BOLL: variants seen among roughly 807,000 people sequenced by gnomAD.
BOLL encodes the protein protein boule-like.
Under a neutral mutation model 44.4 loss-of-function variants are expected in BOLL, and 23 were observed. That is an observed-to-expected ratio of 0.52 (90% CI 0.37 to 0.73). BOLL has a LOEUF of 0.73. Among genes scored for constraint, BOLL ranks in the 30% least tolerant of loss-of-function variants. BOLL has a pLI of 0.00. For synonymous variants in BOLL, 97 were observed against 110.8 expected (o/e 0.88, Z 0.78); for missense variants, 287 against 338.3 (o/e 0.85, Z 1.19).
At chr2:197,742,466 T>C (rs1045786540) in intron 10 of BOLL, among the ~76,000 whole-genome samples, 7 of 152,096 alleles carry the variant, frequency 4.6e-5, no homozygotes, top group African/African-American at 1.7e-4. Context: ...GATATACACC[T>C]CGGAATACTA....
chr2:197,735,982 T>G (rs1025229462), intron 10 of BOLL, among the ~76,000 whole-genome samples: 1 of 152,142 alleles, frequency 6.6e-6, no homozygotes, highest in African/African-American at 2.4e-5. Context: ...TCAGTGATCT[T>G]CACTTCAAGG....
In BOLL at chr2:197,728,485, C is replaced by G; in HGVS notation, c.*70G>C. On this transcript the variant is annotated 3_prime_UTR_variant, in exon 11 of 11. Coordinates refer to ENST00000392296, the MANE Select transcript of BOLL (RefSeq NM_033030.6). The stretch of plus-strand genomic sequence containing the variant: ...GCAGCTTCTAGCTGGTTCGTTGAAG[C>G]TGGATCTCGGCCACGCAAGGATCAT... The G allele has an allele frequency of 1.2e-6, 2 of 1,613,088 alleles. No individual in the cohort carries two copies. Among genetic ancestry groups the G allele is most frequent in the South Asian group, 2.2e-5 (2 of 91,038 alleles).
At chr2:197,780,814 T>C (rs1302566015) in intron 2 of BOLL, among the ~76,000 whole-genome samples, 2 of 151,966 alleles carry the variant, frequency 1.3e-5, no homozygotes, top group African/African-American at 2.4e-5. Flanking sequence ...ACTCTCCCTA[T>C]AATTTCTAAT....
At chr2:197,753,538 C>T (rs1559402781) in intron 9 of BOLL, among the ~76,000 whole-genome samples, 1 of 152,164 alleles carries the variant, frequency 6.6e-6, no homozygotes, top group African/African-American at 2.4e-5. Flanking sequence ...TGAAAAAAAG[C>T]TCATCATCAC....
intron 10 of BOLL, among the ~76,000 whole-genome samples, chr2:197,741,394 G>T (rs1559394439): frequency 6.6e-6 from 1 of 151,962 alleles, no homozygotes; most frequent in Admixed American, 6.6e-5. Context: ...GAGACAATGG[G>T]GTTTTCTAGA....
intron 9 of BOLL, among the ~76,000 whole-genome samples, chr2:197,750,374 C>T (rs976055777): frequency 2.6e-5 from 4 of 152,038 alleles, no homozygotes; most frequent in Non-Finnish European, 5.9e-5. Flanking sequence ...GAGTCAAGAC[C>T]CATTGGTGTG....
intron 10 of BOLL, among the ~76,000 whole-genome samples, chr2:197,733,526 A>G (rs1687313437): frequency 6.6e-6 from 1 of 151,920 alleles, no homozygotes; most frequent in Non-Finnish European, 1.5e-5. Context: ...CCAAAAGAAC[A>G]AAGCTGGAGG....
chr2:197,775,627 C>G, intron 5 of BOLL, 38 bp downstream of exon 5: 1 of 1,280,922 alleles, frequency 7.8e-7, no homozygotes, highest in Non-Finnish European at 1.1e-6. Context: ...AAGAACCATG[C>G]AAAAATATTT....
At chr2:197,760,126 A>G (rs759889585) in intron 7 of BOLL, among the ~76,000 whole-genome samples, 6 of 152,036 alleles carry the variant, frequency 3.9e-5, no homozygotes, top group Non-Finnish European at 7.4e-5. Context: ...TCCCAGGCCG[A>G]CCAATAGCCC....
intron 9 of BOLL, among the ~76,000 whole-genome samples, chr2:197,751,818 CA>C (rs1230390179): frequency 6.7e-6 from 1 of 148,732 alleles, no homozygotes; most frequent in Non-Finnish European, 1.5e-5. Flanking sequence ...ATCCTGATAC[CA>C]AAACCTGTCA....
intron 2 of BOLL, among the ~76,000 whole-genome samples, chr2:197,781,051 C>T (rs949505169): frequency 1.1e-4 from 16 of 151,840 alleles, no homozygotes; most frequent in African/African-American, 3.6e-4. Flanking sequence ...ATTTTAAGTT[C>T]GGGGTACACG....
chr2:197,752,642 G>C (rs757756321), intron 9 of BOLL, among the ~76,000 whole-genome samples: 6 of 152,076 alleles, frequency 3.9e-5, no homozygotes, highest in Non-Finnish European at 8.8e-5. Flanking sequence ...CACTGCTCAA[G>C]GAAATATGAG....
intron 7 of BOLL, among the ~76,000 whole-genome samples, chr2:197,760,169 T>TAATG (rs1202443784): frequency 2.0e-5 from 3 of 151,938 alleles, no homozygotes; most frequent in East Asian, 3.9e-4. Context: ...GAAACAGCCC[T>TAATG]CACAGAAACG....
chr2:197,786,193 G>A (rs1008452773), upstream of BOLL: 14 of 818,278 alleles, frequency 1.7e-5, no homozygotes, highest in African/African-American at 1.8e-5. The surrounding 1 kb of genome is among the most constrained non-coding windows in gnomAD (Gnocchi z 5.9). Context: ...GGCGGGTGGG[G>A]AGAAGCGGAC....
intron 7 of BOLL, among the ~76,000 whole-genome samples, chr2:197,758,145 T>C (rs1688600062): frequency 6.6e-6 from 1 of 152,232 alleles, no homozygotes; most frequent in African/African-American, 2.4e-5. Context: ...AATTCCACTC[T>C]AGTTATAAAA....
chr2:197,742,486 A>G (rs1490894273), intron 10 of BOLL, among the ~76,000 whole-genome samples: 1 of 152,244 alleles, frequency 6.6e-6, no homozygotes, highest in Non-Finnish European at 1.5e-5. Context: ...ATGCAGCCAT[A>G]AAAAATGATG....
chr2:197,742,718 G>C (rs1011617500), intron 10 of BOLL, among the ~76,000 whole-genome samples: 1 of 152,120 alleles, frequency 6.6e-6, no homozygotes, highest in African/African-American at 2.4e-5. Context: ...AATGCTAAAT[G>C]ACGAGTTAAT....
intron 10 of BOLL, among the ~76,000 whole-genome samples, chr2:197,735,334 T>C (rs536576549): frequency 6.6e-6 from 1 of 152,258 alleles, no homozygotes; most frequent in African/African-American, 2.4e-5. Flanking sequence ...TATTAATTTA[T>C]TGATAATTTC....
At chr2:197,748,903 CCTT>C (rs1447611470) in intron 9 of BOLL, among the ~76,000 whole-genome samples, 2 of 152,224 alleles carry the variant, frequency 1.3e-5, no homozygotes, top group Non-Finnish European at 2.9e-5. Flanking sequence ...CAGAATGCCT[CCTT>C]AAGTGAGTCC....
Sources: gnomAD v4.1 joint callset for allele counts (sites outside exome capture counted in the v4.1 genomes callset) on GRCh38, gnomAD v4.1.1 for gene constraint, Gnocchi (gnomAD v3.1) non-coding constraint, MANE v1.5 for transcripts, NCBI Gene and HGNC (gene_info 2026-07-23, HGNC 2026-07-21) for gene names.